PARD3B: variants seen among roughly 807,000 people sequenced by gnomAD.
The protein encoded by PARD3B is partitioning defective 3 homolog B.
PARD3B carries 103 observed loss-of-function variants against 130.2 expected under a neutral mutation model. The observed-to-expected ratio is 0.79, with a 90% CI of 0.67 to 0.93. The LOEUF (loss-of-function observed/expected upper bound fraction) is 0.93, where lower values mean the gene tolerates loss of function less well. Ranked by LOEUF, PARD3B falls within the 40% of genes least tolerant of loss-of-function variation. PARD3B has a pLI of 0.00. For synonymous variants in PARD3B, 583 were observed against 553.2 expected, an observed-to-expected ratio of 1.05 and a Z score of -0.76; for missense variants, 1,609 against 1,499.2, an observed-to-expected ratio of 1.07 and a Z score of -1.21.
intron 16 of PARD3B, among the ~76,000 whole-genome samples, chr2:205,298,947 G>A (rs1006985755): frequency 1.3e-5 from 2 of 152,172 alleles, no homozygotes. Context: ...TGTCAATGCT[G>A]TGTGCCTCAA....
intron 1 of PARD3B, among the ~76,000 whole-genome samples, chr2:204,585,401 T>C (rs1297085928): frequency 6.6e-6 from 1 of 152,140 alleles, no homozygotes; most frequent in African/African-American, 2.4e-5. Context: ...GGTGCAATCA[T>C]AGCTCACTGT....
At chr2:205,545,428 A>T (rs1039121099) in intron 21 of PARD3B, among the ~76,000 whole-genome samples, 2 of 152,222 alleles carry the variant, frequency 1.3e-5, no homozygotes, top group Non-Finnish European at 2.9e-5. Flanking sequence ...CTTCTCCAAA[A>T]TATCTGTCAT....
At position 205,057,694 on chromosome 2, in the gene PARD3B, T is replaced by TAC. The variant is rs567300989; in HGVS notation, c.504+10006_504+10007dup. 6.7e-4 allele frequency among the ~76,000 whole-genome samples: 101 copies of TAC among 149,850 alleles called. 10 individuals carry two copies. Among genetic ancestry groups the TAC allele is most frequent in the African/African-American group, 2.1e-3 (86 of 40,982 alleles). The stretch of plus-strand genomic sequence containing the variant: ...ATATGTGTATGTGTATACGTACATA[T>TAC]ACATATATGTGTATGTGTATACGTA... On this transcript the variant is annotated intron_variant, in intron 4 of 22. Coordinates refer to ENST00000406610, the MANE Select transcript of PARD3B (RefSeq NM_001302769.2).
At chr2:205,428,121 A>G (rs1238791679) in intron 19 of PARD3B, among the ~76,000 whole-genome samples, 2 of 151,954 alleles carry the variant, frequency 1.3e-5, no homozygotes, top group Non-Finnish European at 2.9e-5. Context: ...TGTGGCTCAC[A>G]CCTGTAATCC....
At position 205,108,923 on chromosome 2, in the gene PARD3B, T is replaced by C. The variant is rs78166329; in HGVS notation, c.593+4409T>C. Among the ~76,000 whole-genome samples, 642 of 152,328 alleles carry C rather than the reference T, an allele frequency of 4.2e-3. 7 individuals are homozygous for C. The highest frequency in any genetic ancestry group is 0.015 in the African/African-American group (622 of 41,576). On this transcript the variant is annotated intron_variant, in intron 5 of 22. Coordinates refer to ENST00000406610, the MANE Select transcript of PARD3B (RefSeq NM_001302769.2). ...TTATAGATTTAGTATCAGTACATGA[T>C]ATAATGTCCAGAAGAAGGTTAGTAC...
chr2:204,726,118 C>A (rs1359154043), intron 2 of PARD3B, among the ~76,000 whole-genome samples: 1 of 152,170 alleles, frequency 6.6e-6, no homozygotes, highest in African/African-American at 2.4e-5. Context: ...ATAGGAAGTT[C>A]TTTGCTGTCA....
In PARD3B at chr2:205,301,787, G is replaced by A. The variant is rs372297600; in HGVS notation, c.2630+86G>A. On this transcript the variant is annotated intron_variant, in intron 18 of 22. Coordinates refer to ENST00000406610, the MANE Select transcript of PARD3B (RefSeq NM_001302769.2). This position sits in a 1 kb window ranked among gnomAD's most constrained non-coding sequence, Gnocchi z 5.2. ...CCTTTGTCTGTACTCAGAAAAAAGC[G>A]CACGCTTTTCCTCGTCTTCAGCCAA... 106 of 1,604,456 alleles carry A rather than the reference G, an allele frequency of 6.6e-5. No individual in the cohort carries two copies. In the East Asian group the frequency reaches 8.0e-4, roughly 12 times the overall value.
intron 13 of PARD3B, among the ~76,000 whole-genome samples, chr2:205,178,227 G>GC (rs1029491811): frequency 2.8e-5 from 4 of 145,452 alleles, no homozygotes; most frequent in East Asian, 2.0e-4. Flanking sequence ...ACTATGGGGG[G>GC]GGAAAAAAAA....
In PARD3B at chr2:205,107,888, T is replaced by C. The variant is rs551928057; in HGVS notation, c.593+3374T>C. Among the ~76,000 whole-genome samples the C allele has an allele frequency of 3.3e-5, 5 of 152,312 alleles. No homozygotes were observed. In the South Asian group the frequency reaches 1.0e-3, roughly 32 times the overall value. On this transcript the variant is annotated intron_variant, in intron 5 of 22. Coordinates refer to ENST00000406610, the MANE Select transcript of PARD3B (RefSeq NM_001302769.2). ...GAAAATTACACTTTGAATGTCTCTT[T>C]AAATAGCAAGCAATATGTACAAAAG... is the stretch of plus-strand genomic sequence containing the variant.
At chr2:205,478,942 T>C (rs866373235) in intron 20 of PARD3B, among the ~76,000 whole-genome samples, 8 of 152,286 alleles carry the variant, frequency 5.3e-5, no homozygotes, top group Middle Eastern at 3.4e-3. Flanking sequence ...ACAATTCTTA[T>C]AGGAGCTGAT....
At chr2:205,495,577 G>T (rs2049895274) in intron 20 of PARD3B, among the ~76,000 whole-genome samples, 2 of 152,162 alleles carry the variant, frequency 1.3e-5, no homozygotes, top group Non-Finnish European at 2.9e-5. Context: ...AATCAGTGCT[G>T]CTAAATTCCA....
rs1225047210 is a variant in PARD3B, at chr2:205,584,282, G to A, written c.3260+30879G>A. On this transcript the variant is annotated intron_variant, in intron 22 of 22. Coordinates refer to ENST00000406610, the MANE Select transcript of PARD3B (RefSeq NM_001302769.2). The surrounding 1 kb of genome is among the most constrained non-coding windows in gnomAD (Gnocchi z 5.5). ...ATTAAATATAAATTATTTTTATATG[G>A]ATTACTTGTTGACATTATCATACTT... Among the ~76,000 whole-genome samples the A allele has an allele frequency of 2.0e-5, 3 of 152,180 alleles. No individual in the cohort carries two copies. Among genetic ancestry groups the A allele is most frequent in the African/African-American group, 7.2e-5 (3 of 41,448 alleles).
chr2:205,111,079 C>G (rs986281236), intron 5 of PARD3B, among the ~76,000 whole-genome samples: 1 of 151,976 alleles, frequency 6.6e-6, no homozygotes, highest in Non-Finnish European at 1.5e-5. Context: ...AAATGTTCTC[C>G]TTTCTAACTT....
chr2:204,989,429 A>C (rs972406667), intron 3 of PARD3B, among the ~76,000 whole-genome samples: 4 of 152,146 alleles, frequency 2.6e-5, no homozygotes, highest in African/African-American at 9.7e-5. Context: ...GAAAGGATTT[A>C]TTTTTAAATT....
chr2:205,168,276 G>T (rs1035314520), intron 11 of PARD3B, among the ~76,000 whole-genome samples: 1 of 95,844 alleles, frequency 1.0e-5, no homozygotes, highest in Non-Finnish European at 2.2e-5. Flanking sequence ...GGAAGAAAAA[G>T]GGGTGAGAAA....
chr2:204,592,267 A>G (rs2033105632), intron 1 of PARD3B, among the ~76,000 whole-genome samples: 1 of 152,254 alleles, frequency 6.6e-6, no homozygotes, highest in African/African-American at 2.4e-5. Context: ...TTCCATGGAA[A>G]TCCATAGAAT....
At chr2:205,557,843 G>A (rs1252356725) in intron 22 of PARD3B, among the ~76,000 whole-genome samples, 1 of 152,074 alleles carries the variant, frequency 6.6e-6, no homozygotes, top group African/African-American at 2.4e-5. Flanking sequence ...GGGACCTTGA[G>A]CCACCAACTA....
intron 3 of PARD3B, among the ~76,000 whole-genome samples, chr2:205,024,641 C>A (rs1461600014): frequency 1.3e-5 from 2 of 152,118 alleles, no homozygotes; most frequent in East Asian, 3.9e-4. Context: ...TCATGCTAGA[C>A]CAAGGTTAGA....
At chr2:204,889,862 T>TA (rs58801878) in intron 2 of PARD3B, among the ~76,000 whole-genome samples, 25,566 of 152,134 alleles carry the variant, frequency 0.17, 3,313 homozygotes, top group African/African-American at 0.36. Flanking sequence ...CAGAGTAACA[T>TA]ACGGAAAGTT....
Sources: gnomAD v4.1 joint callset for allele counts (sites outside exome capture counted in the v4.1 genomes callset) on GRCh38, gnomAD v4.1.1 for gene constraint, Gnocchi (gnomAD v3.1) non-coding constraint, MANE v1.5 for transcripts, NCBI Gene and HGNC (gene_info 2026-07-23, HGNC 2026-07-21) for gene names.